Variants in JAK1 observed in about 807,000 individuals in gnomAD.
The protein encoded by JAK1 is Janus kinase 1.
In JAK1, 16 loss-of-function variants were observed where a neutral mutation model predicts 136.6. The ratio of observed to expected loss-of-function variants is 0.12; its 90% confidence interval spans 0.08 to 0.18. JAK1 has a LOEUF of 0.18. JAK1 is among the 10% of genes least tolerant of loss of function. JAK1 has a pLI of 1.00. For missense variants in JAK1, 859 were observed against 1,450.1 expected (o/e 0.59, Z 6.62); for synonymous variants, 492 against 519.5 (o/e 0.95, Z 0.72).
At chr1:64,993,203 T>C (rs1337457514) in intron 2 of JAK1, 1 of 152,234 alleles carries the variant, frequency 6.6e-6, no homozygotes, top group Non-Finnish European at 1.5e-5. Context: ...GTTGCATACA[T>C]GTTTTAAAGT....
intron 3 of JAK1, among the ~76,000 whole-genome samples, chr1:64,880,314 G>C (rs912247023): frequency 2.0e-5 from 3 of 152,202 alleles, no homozygotes; most frequent in Admixed American, 2.0e-4. Flanking sequence ...GTAAAGGGAA[G>C]TTTTCCTTGG....
intron 2 of JAK1, among the ~76,000 whole-genome samples, chr1:64,987,050 T>G (rs1292041177): frequency 6.6e-6 from 1 of 152,212 alleles, no homozygotes; most frequent in Non-Finnish European, 1.5e-5. Context: ...AAGCAGCCAT[T>G]GCCACAGTCA....
chr1:64,942,942 T>C (rs1645917444), intron 1 of JAK1, among the ~76,000 whole-genome samples: 1 of 152,290 alleles, frequency 6.6e-6, no homozygotes, highest in African/African-American at 2.4e-5. Flanking sequence ...CAGCATTACA[T>C]TTGCTGTCTA....
chr1:64,945,107 G>A (rs1473104358), intron 1 of JAK1, among the ~76,000 whole-genome samples: 2 of 151,926 alleles, frequency 1.3e-5, no homozygotes, highest in African/African-American at 4.8e-5. Context: ...TGCTTGGAAA[G>A]CACTCCAACA....
chr1:64,995,833 C>A (rs1367399642), intron 2 of JAK1, among the ~76,000 whole-genome samples: 2 of 152,088 alleles, frequency 1.3e-5, no homozygotes, highest in African/African-American at 2.4e-5. Context: ...AACCTCCCTA[C>A]TCTCAGGTGA....
chr1:64,879,211 A>G (rs964374807), intron 3 of JAK1, 63 bp from the exon 4 acceptor site: 82 of 1,588,250 alleles, frequency 5.2e-5, no homozygotes, highest in Non-Finnish European at 6.9e-5. Flanking sequence ...ATCTGTTTCT[A>G]AACCCAATAT....
intron 1 of JAK1, among the ~76,000 whole-genome samples, chr1:64,947,983 T>C (rs1646018332): frequency 6.6e-6 from 1 of 152,072 alleles, no homozygotes; most frequent in Non-Finnish European, 1.5e-5. Context: ...ACCTGAGGTA[T>C]AACATAGAAG....
intron 22 of JAK1, among the ~76,000 whole-genome samples, chr1:64,836,470 C>T (rs1654486477): frequency 6.6e-6 from 1 of 152,070 alleles, no homozygotes; most frequent in African/African-American, 2.4e-5. Flanking sequence ...CTCTTCATTT[C>T]ACTGAGAACA....
chr1:64,873,513 T>C lies in JAK1; in HGVS notation c.340A>G (p.Thr114Ala), dbSNP rs1278612499. 7 of 1,613,930 alleles carry C rather than the reference T, an allele frequency of 4.3e-6. No homozygotes were observed. Among genetic ancestry groups the C allele is most frequent in the Non-Finnish European group, 5.9e-6 (7 of 1,179,956 alleles). Residue 114 changes from threonine to alanine, a missense_variant, in exon 5 of 25, where the codon ACC (threonine) becomes GCC (alanine). Thr to Ala is a moderately conservative substitution (Grantham distance 58, BLOSUM62 0). This residue lies in a region of JAK1 where 353 missense variants were observed against 494.0 expected (regional missense o/e 0.71). Coordinates refer to ENST00000342505, the MANE Select transcript of JAK1 (RefSeq NM_002227.4). ...RLHYRMRFYF[T>A]NWHGTNDNEQ... ...TTGTCGTTGGTTCCATGCCAATTGG[T>C]GAAATAGAACCTGGAAGGCAGGAAA...
intron 1 of JAK1, among the ~76,000 whole-genome samples, chr1:64,958,732 A>C (rs536521196): frequency 3.9e-5 from 6 of 152,328 alleles, no homozygotes; most frequent in East Asian, 1.9e-4. Flanking sequence ...TCATAATTGA[A>C]AAAAACTGTT....
chr1:64,983,347 G>C lies in JAK1; in HGVS notation c.-78+61133C>G, dbSNP rs117683611. Among the ~76,000 whole-genome samples, 238 of 152,222 alleles carry C rather than the reference G, an allele frequency of 1.6e-3. 6 individuals are homozygous for C. In the East Asian group the frequency reaches 0.035, roughly 22 times the overall value. Reference sequence around the variant, plus strand: ...CAGGACCACGGTGGTCATGGTAACAGACATAGACAAGCATGCCGTGACCCT... The same window carrying C: ...CAGGACCACGGTGGTCATGGTAACACACATAGACAAGCATGCCGTGACCCT... On this transcript the variant is annotated intron_variant, in intron 2 of 25. Coordinates refer to the JAK1 transcript ENST00000671954.
At chr1:64,982,929 C>T (rs1458159144) in intron 2 of JAK1, among the ~76,000 whole-genome samples, 1 of 152,030 alleles carries the variant, frequency 6.6e-6, no homozygotes, top group Non-Finnish European at 1.5e-5. Context: ...GTTTGAGGAG[C>T]CAGAAGTAGA....
Position 64,844,363 on chromosome 1 carries a change from C to CG in JAK1, c.2252-149dup. The CG allele has an allele frequency of 1.9e-6, 2 of 1,043,614 alleles. No homozygotes were observed. Among genetic ancestry groups the CG allele is most frequent in the Non-Finnish European group, 1.4e-6 (1 of 698,628 alleles). 64.6% of individuals were successfully genotyped at this position (1,043,614 alleles called of 1,614,324 possible). A position where few individuals can be genotyped will look rare whatever the true frequency, so the allele number is the denominator to read the frequency against. On this transcript the variant is annotated intron_variant, in intron 16 of 24. Transcript: ENST00000342505. The surrounding 1 kb of genome is among the most constrained non-coding windows in gnomAD (Gnocchi z 5.7). ...GGCCCATGGCCACATAGGCCCTGTG[C>CG]GGGGGGCCTGCAGGCGTGCAGCCCT...
At chr1:64,882,401 C>T (rs897784243) in intron 3 of JAK1, among the ~76,000 whole-genome samples, 23 of 152,124 alleles carry the variant, frequency 1.5e-4, no homozygotes, top group East Asian at 1.9e-4. Context: ...CATCATAAAA[C>T]GAGTTGATAG....
At chr1:64,991,147 A>C (rs1169381013) in intron 2 of JAK1, among the ~76,000 whole-genome samples, 1 of 152,216 alleles carries the variant, frequency 6.6e-6, no homozygotes, top group Non-Finnish European at 1.5e-5. Context: ...GAAGTTATGA[A>C]AAGGAACCAA....
chr1:64,955,201 G>C (rs1177391062), intron 1 of JAK1, among the ~76,000 whole-genome samples: 3 of 152,232 alleles, frequency 2.0e-5, no homozygotes, highest in Non-Finnish European at 4.4e-5. Context: ...TACGAAGAAA[G>C]AGATGGTTCC....
chr1:65,016,004 T>G (rs1208854145), intron 2 of JAK1, among the ~76,000 whole-genome samples: 3 of 152,228 alleles, frequency 2.0e-5, no homozygotes, highest in African/African-American at 7.2e-5. Flanking sequence ...TGGAATATTA[T>G]TCAGACATAA....
At chr1:65,023,220 A>T (rs1158673414) in intron 2 of JAK1, 2 of 152,028 alleles carry the variant, frequency 1.3e-5, no homozygotes, top group African/African-American at 4.8e-5. Context: ...CTCCCACCTC[A>T]GCCTCCCAAG....
At chr1:65,018,403 G>C (rs1007048105) in intron 2 of JAK1, among the ~76,000 whole-genome samples, 2 of 151,706 alleles carry the variant, frequency 1.3e-5, no homozygotes, top group Non-Finnish European at 2.9e-5. Context: ...TTGATTCTTT[G>C]AGAAGACTAA....
Sources: allele counts gnomAD v4.1 joint callset (sites outside exome capture counted in the v4.1 genomes callset), GRCh38; gene constraint gnomAD v4.1.1; regional missense constraint gnomAD v4.1.1; non-coding constraint Gnocchi (gnomAD v3.1); transcripts MANE v1.5; gene names NCBI Gene and HGNC (gene_info 2026-07-23, HGNC 2026-07-21).